NBEA: variants seen among roughly 807,000 people sequenced by gnomAD.
NBEA encodes the protein neurobeachin, also known as lysosomal-trafficking regulator 2.
In NBEA, 44 loss-of-function variants were observed where a neutral mutation model predicts 343.4. The ratio of observed to expected loss-of-function variants is 0.13; its 90% CI spans 0.10 to 0.16. NBEA has a LOEUF of 0.16. NBEA is among the 10% of genes least tolerant of loss of function. The pLI, the probability that NBEA is intolerant of heterozygous loss-of-function variation, is 1.00. For missense variants in NBEA, 2,555 were observed against 3,631.3 expected (o/e 0.70, Z 7.62); for synonymous variants, 1,175 against 1,238.7 (o/e 0.95, Z 1.08).
intron 38 of NBEA, among the ~76,000 whole-genome samples, chr13:35,422,996 T>C (rs1157805499): frequency 5.3e-5 from 8 of 152,158 alleles, no homozygotes; most frequent in Admixed American, 5.2e-4. Context: ...GATGGGGTTG[T>C]TTGTTTTTTT....
chr13:35,180,945 C>T (rs772505567), intron 28 of NBEA, among the ~76,000 whole-genome samples: 1 of 151,738 alleles, frequency 6.6e-6, no homozygotes, highest in Non-Finnish European at 1.5e-5. Context: ...GAGTTACTTA[C>T]TTCACTTAGA....
At chr13:35,049,473 G>T (rs1026272132) in intron 5 of NBEA, among the ~76,000 whole-genome samples, 1 of 151,802 alleles carries the variant, frequency 6.6e-6, no homozygotes, top group Non-Finnish European at 1.5e-5. Context: ...CATATTTAAA[G>T]CTCTTTGTAT....
intron 27 of NBEA, among the ~76,000 whole-genome samples, chr13:35,175,297 G>A (rs947428334): frequency 6.6e-6 from 1 of 152,132 alleles, no homozygotes; most frequent in Admixed American, 6.6e-5. Flanking sequence ...TAGACAAAAA[G>A]TGATAATAGA....
chr13:35,054,686 C>T (rs1006526550), intron 6 of NBEA, among the ~76,000 whole-genome samples: 2 of 149,450 alleles, frequency 1.3e-5, no homozygotes, highest in African/African-American at 4.9e-5. Context: ...CCCTGTCGCC[C>T]AGGCTGGAGT....
intron 17 of NBEA, among the ~76,000 whole-genome samples, chr13:35,141,664 C>T (rs915841358): frequency 6.6e-6 from 1 of 152,126 alleles, no homozygotes; most frequent in Non-Finnish European, 1.5e-5. Context: ...AACCTTCTAT[C>T]CTGAGTATGG....
chr13:35,653,121 G>C (rs78441117), intron 53 of NBEA, among the ~76,000 whole-genome samples: 8,334 of 152,042 alleles, frequency 0.055, 272 homozygotes, highest in South Asian at 0.1. Flanking sequence ...TTAAATAATC[G>C]TGTACATATT....
intron 1 of NBEA, among the ~76,000 whole-genome samples, chr13:35,019,978 C>T (rs1167753107): frequency 6.6e-6 from 1 of 152,118 alleles, no homozygotes; most frequent in African/African-American, 2.4e-5. Context: ...TTGATTTCAC[C>T]AGTATTGTTT....
intron 1 of NBEA, among the ~76,000 whole-genome samples, chr13:34,974,211 G>A (rs1249391799): frequency 3.3e-5 from 5 of 152,118 alleles, no homozygotes; most frequent in Non-Finnish European, 7.3e-5. Flanking sequence ...TAGTCCCAAT[G>A]CAAGTACCTG....
chr13:35,265,283 A>G lies in NBEA; in HGVS notation c.5777-25106A>G, dbSNP rs564883376. On this transcript the variant is annotated intron_variant, in intron 34 of 58. Transcript: ENST00000379939. ...GATCATGGGCTGAAAAGTTAATAGT[A>G]TTCAAACTACACAAAGTGATCTATA... Among the ~76,000 whole-genome samples, 370 of 151,882 alleles carry G rather than the reference A, an allele frequency of 2.4e-3. 1 individual carries two copies. The highest frequency in any genetic ancestry group is 3.1e-3 in the Non-Finnish European group (210 of 67,702).
chr13:35,137,748 A>G (rs934645815), intron 17 of NBEA, among the ~76,000 whole-genome samples: 1 of 152,076 alleles, frequency 6.6e-6, no homozygotes, highest in Admixed American at 6.6e-5. Flanking sequence ...CTGTTTCCCT[A>G]CAGTTTATGA....
chr13:35,011,131 G>A (rs2061483505), intron 1 of NBEA, among the ~76,000 whole-genome samples: 1 of 151,952 alleles, frequency 6.6e-6, no homozygotes. Flanking sequence ...AGTCCTGAGG[G>A]TAGTTCATCC....
intron 33 of NBEA, among the ~76,000 whole-genome samples, chr13:35,213,863 A>AC (rs1479466253): frequency 6.6e-6 from 1 of 151,944 alleles, no homozygotes; most frequent in Non-Finnish European, 1.5e-5. Context: ...TGTAGAATAT[A>AC]CCCATCACCC....
chr13:35,532,859 A>G (rs927243734), intron 41 of NBEA, among the ~76,000 whole-genome samples: 1 of 151,748 alleles, frequency 6.6e-6, no homozygotes, highest in African/African-American at 2.4e-5. Context: ...GAAGAATAGA[A>G]CCTAATTTCT....
At chr13:35,151,619 G>A (rs1406367166) in intron 18 of NBEA, among the ~76,000 whole-genome samples, 1 of 150,958 alleles carries the variant, frequency 6.6e-6, no homozygotes, top group Non-Finnish European at 1.5e-5. Flanking sequence ...TATAAGTTGT[G>A]AAGATGTAAA....
intron 40 of NBEA, among the ~76,000 whole-genome samples, chr13:35,466,040 G>A (rs1392822470): frequency 6.6e-6 from 1 of 152,120 alleles, no homozygotes; most frequent in East Asian, 1.9e-4. Flanking sequence ...CTAAATTTCA[G>A]TATTCAGTTG....
At chr13:35,522,430 T>C (rs1054341919) in intron 41 of NBEA, among the ~76,000 whole-genome samples, 2 of 121,204 alleles carry the variant, frequency 1.7e-5, no homozygotes, top group Non-Finnish European at 3.2e-5. Context: ...ATCACACCAC[T>C]GCACTCCACA....
At chr13:35,179,443 C>T (rs574240313) in intron 28 of NBEA, among the ~76,000 whole-genome samples, 3 of 150,748 alleles carry the variant, frequency 2.0e-5, no homozygotes, top group Non-Finnish European at 3.0e-5. Context: ...TTAGTCATTC[C>T]CCAGATGTTT....
intron 10 of NBEA, among the ~76,000 whole-genome samples, chr13:35,085,770 T>A (rs1012488050): frequency 2.0e-5 from 3 of 151,932 alleles, no homozygotes; most frequent in African/African-American, 7.3e-5. Flanking sequence ...GGGTATTCAA[T>A]TAGGAAAAGA....
At chr13:35,466,876 T>A (rs1031952191) in intron 40 of NBEA, among the ~76,000 whole-genome samples, 8 of 152,318 alleles carry the variant, frequency 5.3e-5, no homozygotes, top group Admixed American at 3.3e-4. Flanking sequence ...CTGTAGACTT[T>A]GCTACTATGA....
Sources: allele counts gnomAD v4.1 joint callset (sites outside exome capture counted in the v4.1 genomes callset), GRCh38; gene constraint gnomAD v4.1.1; transcripts MANE v1.5; gene names NCBI Gene and HGNC (gene_info 2026-07-23, HGNC 2026-07-21).